Variants in NREP observed in about 807,000 individuals in gnomAD.
NREP encodes the protein neuronal regeneration related protein, also known as neuronal regeneration-related protein.
A neutral mutation model predicts 8.6 loss-of-function variants in NREP; 5 were observed. The observed-to-expected ratio is 0.58, with a 90% CI of 0.30 to 1.22. The LOEUF is 1.22. Ranked by LOEUF, NREP falls within the 50% of genes most tolerant of loss-of-function variation. NREP has a pLI of 0.07. For synonymous variants in NREP, 27 were observed against 28.0 expected, an observed-to-expected ratio of 0.96 and a Z score of 0.11; for missense variants, 86 against 82.5, an observed-to-expected ratio of 1.04 and a Z score of -0.17.
Position 111,866,594 on chromosome 5 carries a change from T to C in NREP, c.135+108680A>G, listed in dbSNP as rs189979637. On this transcript the variant is annotated intron_variant, in intron 2 of 3. Coordinates refer to the NREP transcript ENST00000395634. ...TTGTGGAAGTCGGTGTGGCAATTCC[T>C]CAGGGATCTAGAACTAGAAATACCG... Among the ~76,000 whole-genome samples the C allele has an allele frequency of 4.6e-5, 7 of 152,270 alleles. No individual in the cohort carries two copies. In the East Asian group the frequency reaches 1.4e-3, roughly 29 times the overall value.
At chr5:111,827,014 G>T (rs1422672124) in intron 2 of NREP, among the ~76,000 whole-genome samples, 3 of 152,102 alleles carry the variant, frequency 2.0e-5, no homozygotes, top group African/African-American at 7.2e-5. Context: ...TATGCACTGG[G>T]GTAAAATTGG....
intron 2 of NREP, among the ~76,000 whole-genome samples, chr5:111,964,206 A>G (rs6878696): frequency 0.4 from 61,498 of 152,168 alleles, 15,115 homozygotes; most frequent in Non-Finnish European, 0.56. Flanking sequence ...ATAGAATCAC[A>G]TCATATGTAA....
At chr5:111,769,987 A>G (rs145902221) in intron 2 of NREP, among the ~76,000 whole-genome samples, 38 of 152,330 alleles carry the variant, frequency 2.5e-4, no homozygotes, top group Non-Finnish European at 4.6e-4. Flanking sequence ...GTACTCACGC[A>G]TGAATCCCTG....
chr5:111,974,688 C>T (rs1394435800), intron 2 of NREP, among the ~76,000 whole-genome samples: 25 of 152,172 alleles, frequency 1.6e-4, no homozygotes, highest in Admixed American at 1.6e-3. Flanking sequence ...ATAAGAACTA[C>T]TGCTGTTCAA....
chr5:111,826,838 A>G (rs1284099183), intron 2 of NREP, among the ~76,000 whole-genome samples: 1 of 152,212 alleles, frequency 6.6e-6, no homozygotes, highest in Admixed American at 6.5e-5. Flanking sequence ...CCTAGCCGGA[A>G]GTATAATTTT....
intron 2 of NREP, among the ~76,000 whole-genome samples, chr5:111,863,627 A>G (rs1753601009): frequency 6.6e-6 from 1 of 152,136 alleles, no homozygotes; most frequent in African/African-American, 2.4e-5. Context: ...GCGGCCAGAG[A>G]AAAAAGAGAA....
chr5:111,734,810 C>T (rs1167412029), intron 3 of NREP: 1 of 661,446 alleles, frequency 1.5e-6, no homozygotes, highest in African/African-American at 1.8e-5. Context: ...AAGTATTCAC[C>T]CTAAGAGGCA....
chr5:111,847,085 C>T (rs184756906), intron 2 of NREP, among the ~76,000 whole-genome samples: 1 of 151,620 alleles, frequency 6.6e-6, no homozygotes, highest in East Asian at 1.9e-4. Flanking sequence ...GCTACTGACA[C>T]ATATTTTAAA....
At chr5:111,772,699 C>T (rs1040352638) in intron 2 of NREP, among the ~76,000 whole-genome samples, 13 of 151,926 alleles carry the variant, frequency 8.6e-5, no homozygotes, top group African/African-American at 2.9e-4. Flanking sequence ...TCACAGCCTT[C>T]GACCCGGGAA....
chr5:111,755,897 C>T, intron 1 of NREP, 67 bp from the exon 2 acceptor site: 1 of 1,591,666 alleles, frequency 6.3e-7, no homozygotes, highest in Non-Finnish European at 8.6e-7. Context: ...AAAAATGCCT[C>T]TTTAGAGGTT....
intron 2 of NREP, among the ~76,000 whole-genome samples, chr5:111,835,988 G>T (rs1561686400): frequency 6.6e-6 from 1 of 152,052 alleles, no homozygotes; most frequent in Non-Finnish European, 1.5e-5. Context: ...AAGAATTCAG[G>T]TTCTGGCACT....
intron 2 of NREP, among the ~76,000 whole-genome samples, chr5:111,859,414 T>A (rs1753496053): frequency 6.6e-6 from 1 of 152,044 alleles, no homozygotes; most frequent in Middle Eastern, 3.2e-3. Flanking sequence ...TGCAAAAAAT[T>A]TTGCCAAGGA....
At chr5:111,873,802 G>T (rs576184848) in intron 2 of NREP, among the ~76,000 whole-genome samples, 1 of 152,230 alleles carries the variant, frequency 6.6e-6, no homozygotes, top group South Asian at 2.1e-4. Flanking sequence ...TTCCAATGTG[G>T]ATATCTTTGG....
intron 2 of NREP, among the ~76,000 whole-genome samples, chr5:111,810,145 A>C (rs764060933): frequency 6.6e-6 from 1 of 152,144 alleles, no homozygotes; most frequent in Non-Finnish European, 1.5e-5. Context: ...GTAAAAAATA[A>C]GTTGGAGTAG....
At chr5:111,757,975 A>G (rs1202868578), upstream of NREP, 1 of 985,454 alleles carries the variant, frequency 1.0e-6, no homozygotes, top group Non-Finnish European at 1.2e-6. Flanking sequence ...GGAAAAGAGG[A>G]CGGCGACGGG....
intron 2 of NREP, among the ~76,000 whole-genome samples, chr5:111,859,768 C>A (rs1010190242): frequency 4.6e-5 from 7 of 152,174 alleles, no homozygotes; most frequent in African/African-American, 1.7e-4. Flanking sequence ...CCACAGGCAA[C>A]TTTATCTGTC....
chr5:111,922,733 C>G (rs1423912185), intron 2 of NREP, among the ~76,000 whole-genome samples: 1 of 152,196 alleles, frequency 6.6e-6, no homozygotes, highest in Non-Finnish European at 1.5e-5. Context: ...GGACCTTACA[C>G]TGGTTGGAGG....
At chr5:111,883,946 T>G (rs973166578) in intron 2 of NREP, among the ~76,000 whole-genome samples, 4 of 151,988 alleles carry the variant, frequency 2.6e-5, no homozygotes, top group African/African-American at 9.7e-5. Flanking sequence ...ATTCAAAAGC[T>G]AGCAGAAGGC....
At chr5:111,853,586 C>A (rs916597700) in intron 2 of NREP, among the ~76,000 whole-genome samples, 18 of 151,852 alleles carry the variant, frequency 1.2e-4, no homozygotes, top group Admixed American at 9.2e-4. Context: ...TTACAACTAC[C>A]AAAAAAAGTT....
Sources: allele counts gnomAD v4.1 joint callset (sites outside exome capture counted in the v4.1 genomes callset), GRCh38; gene constraint gnomAD v4.1.1; transcripts MANE v1.5; gene names NCBI Gene and HGNC (gene_info 2026-07-23, HGNC 2026-07-21).